The following NPEPPS variants were observed in gnomAD, a reference collection of about 807,000 sequenced individuals.
NPEPPS encodes the protein puromycin-sensitive aminopeptidase.
A neutral mutation model predicts 115.5 loss-of-function variants in NPEPPS; 14 were observed. The ratio of observed to expected loss-of-function variants is 0.12; its 90% CI spans 0.08 to 0.19. The LOEUF (loss-of-function observed/expected upper bound fraction) is 0.19. NPEPPS is among the 10% of genes least tolerant of loss of function. The pLI is 1.00. For synonymous variants in NPEPPS, 285 were observed against 390.6 expected (o/e 0.73, Z 3.19); for missense variants, 523 against 1,110.8 (o/e 0.47, Z 7.52).
At chr17:47,569,133 A>G (rs562399922) in intron 2 of NPEPPS, among the ~76,000 whole-genome samples, 1 of 152,210 alleles carries the variant, frequency 6.6e-6, no homozygotes, top group East Asian at 1.9e-4. Flanking sequence ...TCACACAGGA[A>G]TCTGATAGAA....
At chr17:47,549,841 TG>T (rs1391991585) in intron 2 of NPEPPS, among the ~76,000 whole-genome samples, 1 of 147,384 alleles carries the variant, frequency 6.8e-6, no homozygotes, top group African/African-American at 2.5e-5. Context: ...GCCTTCCACA[TG>T]TATGTGTATA....
chr17:47,531,104 C>T (rs1189976290), upstream of NPEPPS: 4 of 797,928 alleles, frequency 5.0e-6, no homozygotes, highest in Non-Finnish European at 7.1e-6. Flanking sequence ...CAGCCGCCGC[C>T]ACCACTTCCC....
chr17:47,531,846 G>T (rs930010669), intron 1 of NPEPPS, among the ~76,000 whole-genome samples: 4 of 152,092 alleles, frequency 2.6e-5, no homozygotes, highest in Non-Finnish European at 5.9e-5. Flanking sequence ...CCTCCCCGGC[G>T]AGCACACCTG....
At chr17:47,600,397 T>C (rs959379937) in intron 14 of NPEPPS, among the ~76,000 whole-genome samples, 1 of 152,130 alleles carries the variant, frequency 6.6e-6, no homozygotes, top group African/African-American at 2.4e-5. Flanking sequence ...GATTGTGCCA[T>C]TGCATTCTAG....
At chr17:47,544,885 A>C (rs995933659) in intron 1 of NPEPPS, among the ~76,000 whole-genome samples, 1 of 148,446 alleles carries the variant, frequency 6.7e-6, no homozygotes, top group South Asian at 2.2e-4. Context: ...GCTAATTTTT[A>C]GTAGAGATGG....
chr17:47,538,225 T>TTTTTTTTA (rs1908468474), intron 1 of NPEPPS, among the ~76,000 whole-genome samples: 2 of 115,176 alleles, frequency 1.7e-5, no homozygotes, highest in Non-Finnish European at 3.5e-5. Context: ...TTTTTTTTTT[T>TTTTTTTTA]GAGACAGAGT....
intron 2 of NPEPPS, chr17:47,548,357 T>C: frequency 6.6e-6 from 1 of 152,062 alleles, no homozygotes; most frequent in African/African-American, 2.4e-5. Flanking sequence ...TTTAATTTCT[T>C]TAACTGTGGA....
intron 1 of NPEPPS, among the ~76,000 whole-genome samples, chr17:47,545,095 C>T (rs938126320): frequency 2.6e-5 from 4 of 152,030 alleles, no homozygotes; most frequent in Non-Finnish European, 4.4e-5. Context: ...TGCTTGACCT[C>T]CTGGGCTTAA....
chr17:47,595,072 A>G (rs1912778227), intron 12 of NPEPPS, among the ~76,000 whole-genome samples: 1 of 152,084 alleles, frequency 6.6e-6, no homozygotes, highest in Non-Finnish European at 1.5e-5. Context: ...CTGGGATTAC[A>G]GGTGTGTGCC....
At chr17:47,584,257 ACCCTGTCTCTTATGT>A (rs1011376740) in intron 5 of NPEPPS, among the ~76,000 whole-genome samples, 1 of 151,660 alleles carries the variant, frequency 6.6e-6, no homozygotes, top group African/African-American at 2.4e-5. Flanking sequence ...ACAGAGCAAG[ACCCTGTCTCTTATGT>A]TTTTAAAAAG....
At chr17:47,582,268 A>C (rs1311419300) in intron 4 of NPEPPS, 2 of 205,064 alleles carry the variant, frequency 9.8e-6, no homozygotes, top group Non-Finnish European at 2.0e-5. Flanking sequence ...ATCTGTCTTT[A>C]TTCCCATTGC....
intron 3 of NPEPPS, among the ~76,000 whole-genome samples, chr17:47,571,445 G>A (rs1224248055): frequency 1.3e-5 from 2 of 152,168 alleles, no homozygotes; most frequent in Non-Finnish European, 2.9e-5. Context: ...TGGGCTGGGC[G>A]TGGTGGCTCA....
chr17:47,531,513 G>C lies in NPEPPS; in HGVS notation c.213G>C (p.Leu71Phe). The change falls in exon 1 of 23, where the codon TTG becomes TTC. Residue 71 changes from leucine (L) to phenylalanine (F), a missense_variant. Leu to Phe is a conservative substitution (Grantham distance 22). Around this residue, in one of 4 missense-constraint regions of NPEPPS, gnomAD observed 144 missense variants for 512.4 expected, o/e 0.28. Transcript: ENST00000322157. Reference protein sequence around the residue: ...INYSLCLKPDLLDFTFEGKLE... With the variant: ...INYSLCLKPDFLDFTFEGKLE... ...ACAGCCTTTGCCTCAAGCCCGACTT[G>C]CTGGACTTCACCTTCGAGGGCAAGC... The C allele has an allele frequency of 6.2e-7, 1 of 1,608,928 alleles. No homozygotes were observed. Among genetic ancestry groups the C allele is most frequent in the Non-Finnish European group, 8.5e-7 (1 of 1,178,606 alleles).
At chr17:47,547,924 G>A (rs187029153) in intron 2 of NPEPPS, among the ~76,000 whole-genome samples, 5 of 152,228 alleles carry the variant, frequency 3.3e-5, no homozygotes, top group Non-Finnish European at 5.9e-5. Context: ...TACTCGGGAG[G>A]TTGAGGCAGG....
At chr17:47,579,702 G>A (rs1408128603) in intron 4 of NPEPPS, 191 bp downstream of exon 4, 9 of 483,188 alleles carry the variant, frequency 1.9e-5, no homozygotes, top group Non-Finnish European at 3.0e-5. Flanking sequence ...GTATGGGTTG[G>A]GGAATGATTA....
rs571600709 is a variant in NPEPPS at position 47,592,473 on chromosome 17, G to T, written c.1366-12G>T. 6.4e-7 allele frequency: 1 copy of T among 1,569,204 alleles called. No individual in the cohort carries two copies. The highest frequency in any genetic ancestry group is 2.3e-5 in the East Asian group (1 of 43,362). On this transcript the variant is annotated splice_polypyrimidine_tract_variant and intron_variant, in intron 11 of 22. Coordinates refer to ENST00000322157, the MANE Select transcript of NPEPPS (RefSeq NM_006310.4). Reference sequence around the variant, plus strand: ...CTGACTTCCCTGGATTTTAAAAATTGTGTTTTCTCAGGACTTTAAGAAAGG... The same window carrying T: ...CTGACTTCCCTGGATTTTAAAAATTTTGTTTTCTCAGGACTTTAAGAAAGG...
In NPEPPS at chr17:47,556,924, G is replaced by T. The variant is rs1180922214; in HGVS notation, c.340+10931G>T. 2.0e-5 allele frequency among the ~76,000 whole-genome samples: 3 copies of T among 152,236 alleles called. No individual in the cohort carries two copies. In the East Asian group the frequency reaches 5.8e-4, roughly 29 times the overall value. Reference sequence around the variant, plus strand: ...CCCAAAGTGCCGGGATTACAGGCATGAGCCACTGCACCCAGCCTGTTTTAC... The same window carrying T: ...CCCAAAGTGCCGGGATTACAGGCATTAGCCACTGCACCCAGCCTGTTTTAC... On this transcript the variant is annotated intron_variant, in intron 2 of 22. Transcript: ENST00000322157.
At chr17:47,615,979 T>A (rs568680863) in intron 19 of NPEPPS, among the ~76,000 whole-genome samples, 1 of 152,178 alleles carries the variant, frequency 6.6e-6, no homozygotes, top group Non-Finnish European at 1.5e-5. Context: ...AAACATTAAT[T>A]CATAGTATAT....
At chr17:47,556,777 G>A (rs983619471) in intron 2 of NPEPPS, among the ~76,000 whole-genome samples, 1 of 152,204 alleles carries the variant, frequency 6.6e-6, no homozygotes, top group African/African-American at 2.4e-5. Flanking sequence ...CCAAGTAGCT[G>A]GGACTACAGA....
Sources: allele counts gnomAD v4.1 joint callset (sites outside exome capture counted in the v4.1 genomes callset), GRCh38; gene constraint gnomAD v4.1.1; regional missense constraint gnomAD v4.1.1; transcripts MANE v1.5; gene names NCBI Gene and HGNC (gene_info 2026-07-23, HGNC 2026-07-21).